Variants in WWOX observed in about 807,000 individuals in gnomAD.
The protein encoded by WWOX is WW domain containing oxidoreductase.
Under a neutral mutation model 46.2 loss-of-function variants are expected in WWOX, and 69 were observed. The ratio of observed to expected loss-of-function variants is 1.49; its 90% CI spans 1.23 to 1.82. The LOEUF (loss-of-function observed/expected upper bound fraction) is 1.82. Ranked by LOEUF, WWOX falls within the 40% of genes most tolerant of loss-of-function variation. WWOX has a pLI of 0.00. For synonymous variants in WWOX, 359 were observed against 202.6 expected (o/e 1.77, Z -6.56); for missense variants, 919 against 542.6 (o/e 1.69, Z -6.89).
At position 78,604,716 on chromosome 16, in the gene WWOX, C is replaced by T. The variant is rs1190805642; in HGVS notation, c.1056+171964C>T. Among the ~76,000 whole-genome samples, 25 of 6,826 alleles carry T rather than the reference C, an allele frequency of 3.7e-3. 1 individual carries two copies. The highest frequency in any genetic ancestry group is 0.015 in the African/African-American group (24 of 1,588). The allele number at this position is 6,826 out of a possible 152,430, so 4.5% of individuals were successfully genotyped here. On this transcript the variant is annotated intron_variant, in intron 8 of 8. Coordinates refer to ENST00000566780, the MANE Select transcript of WWOX (RefSeq NM_016373.4). ...CCCTCCTTCCCCCCTCCCTCCTTCCCCCCTCCCTCCTTCCCCCCTCCCTCC... is the reference window on the plus strand; with the variant it reads ...CCCTCCTTCCCCCCTCCCTCCTTCCTCCCTCCCTCCTTCCCCCCTCCCTCC...
intron 8 of WWOX, among the ~76,000 whole-genome samples, chr16:78,914,180 T>C (rs34359022): frequency 0.2 from 30,573 of 151,960 alleles, 3,236 homozygotes; most frequent in South Asian, 0.26. Flanking sequence ...ATAACTCTAT[T>C]TTATTTCTCT....
intron 8 of WWOX, among the ~76,000 whole-genome samples, chr16:78,954,109 TC>T (rs1357386913): frequency 6.6e-6 from 1 of 152,228 alleles, no homozygotes; most frequent in African/African-American, 2.4e-5. Context: ...TTTTGCTTTT[TC>T]TTTTTTAAAT....
chr16:78,572,854 C>G (rs190265426), intron 8 of WWOX, among the ~76,000 whole-genome samples: 264 of 152,156 alleles, frequency 1.7e-3, no homozygotes, highest in African/African-American at 6.0e-3. Context: ...TTGGAAAGTT[C>G]TGTTTCTTAA....
chr16:78,137,413 C>T (rs1000639436), intron 4 of WWOX, among the ~76,000 whole-genome samples: 1 of 152,162 alleles, frequency 6.6e-6, no homozygotes, highest in Non-Finnish European at 1.5e-5. Flanking sequence ...ATGACGTCAG[C>T]ATCACAGAGT....
intron 5 of WWOX, chr16:78,266,130 A>T (rs2079356959): frequency 2.0e-5 from 3 of 152,182 alleles, no homozygotes; most frequent in South Asian, 2.1e-4. Context: ...TGAAGGTCAG[A>T]TGTGGCCTGT....
chr16:78,801,470 C>G (rs547009875), intron 8 of WWOX, among the ~76,000 whole-genome samples: 36 of 152,276 alleles, frequency 2.4e-4, no homozygotes, highest in Non-Finnish European at 4.4e-4. Flanking sequence ...TATCATGTCA[C>G]CGCACTCCAA....
chr16:78,441,842 A>T (rs1390716067), intron 8 of WWOX, among the ~76,000 whole-genome samples: 1 of 151,978 alleles, frequency 6.6e-6, no homozygotes, highest in Non-Finnish European at 1.5e-5. Flanking sequence ...AAAGATTATG[A>T]ATGTTCAGCA....
chr16:78,325,113 G>T (rs961872756), intron 5 of WWOX, among the ~76,000 whole-genome samples: 1 of 152,166 alleles, frequency 6.6e-6, no homozygotes, highest in African/African-American at 2.4e-5. Flanking sequence ...TGTTGGTCCC[G>T]TCACAGGGCT....
chr16:78,875,821 G>T (rs2044223150), intron 8 of WWOX, among the ~76,000 whole-genome samples: 1 of 152,190 alleles, frequency 6.6e-6, no homozygotes, highest in Non-Finnish European at 1.5e-5. Context: ...TGACTTACAG[G>T]TTTCTAGGGC....
intron 5 of WWOX, among the ~76,000 whole-genome samples, chr16:78,283,281 G>C (rs1044725812): frequency 6.6e-6 from 1 of 152,158 alleles, no homozygotes; most frequent in African/African-American, 2.4e-5. Context: ...ATTCTCTGCT[G>C]TGAGGGCCAG....
intron 1 of WWOX, 171 bp downstream of exon 1, chr16:78,100,056 C>G: frequency 5.0e-6 from 7 of 1,408,476 alleles, no homozygotes; most frequent in Non-Finnish European, 6.5e-6. Context: ...GGGGCCGGCC[C>G]CCTTGGTGGG....
chr16:78,661,775 G>C (rs899162345), intron 8 of WWOX, among the ~76,000 whole-genome samples: 1 of 152,196 alleles, frequency 6.6e-6, no homozygotes, highest in South Asian at 2.1e-4. Context: ...AATGGCTGAC[G>C]CCCGTAATCC....
intron 8 of WWOX, among the ~76,000 whole-genome samples, chr16:78,780,093 C>G (rs936968763): frequency 1.3e-5 from 2 of 152,160 alleles, no homozygotes; most frequent in African/African-American, 4.8e-5. Flanking sequence ...GGCCATGGTT[C>G]TCGTACTTCA....
chr16:78,659,553 C>G (rs1306453971), intron 8 of WWOX, among the ~76,000 whole-genome samples: 1 of 152,118 alleles, frequency 6.6e-6, no homozygotes, highest in African/African-American at 2.4e-5. Context: ...AAAAAAAAAC[C>G]TTTCGAGACA....
chr16:79,163,795 CAAAAAAAAAAA>C (rs66922536), intron 8 of WWOX, among the ~76,000 whole-genome samples: 2 of 102,276 alleles, frequency 2.0e-5, no homozygotes, highest in East Asian at 2.3e-4. Context: ...AACTCCACCT[CAAAAAAAAAAA>C]AAAAAAAAAA....
intron 8 of WWOX, among the ~76,000 whole-genome samples, chr16:78,590,019 C>T (rs532669424): frequency 5.3e-5 from 8 of 152,224 alleles, no homozygotes; most frequent in East Asian, 1.9e-4. Context: ...TTGCTTCTTA[C>T]GTGTCACGCA....
chr16:78,888,426 A>T (rs151168603), intron 8 of WWOX, among the ~76,000 whole-genome samples: 5 of 152,186 alleles, frequency 3.3e-5, no homozygotes, highest in South Asian at 2.1e-4. Context: ...TTCTTTTTGT[A>T]GTTGTCTAGG....
At chr16:78,917,842 A>G (rs112797272) in intron 8 of WWOX, among the ~76,000 whole-genome samples, 4 of 152,176 alleles carry the variant, frequency 2.6e-5, no homozygotes, top group Non-Finnish European at 5.9e-5. Context: ...CAAGGAATAC[A>G]TCTAGATCAG....
Position 78,845,921 on chromosome 16 carries a change from C to T in WWOX, c.1057-365687C>T, listed in dbSNP as rs11641952. On this transcript the variant is annotated intron_variant, in intron 8 of 8. Coordinates refer to ENST00000566780, the MANE Select transcript of WWOX (RefSeq NM_016373.4). ...CCCATTTAAGGTAGATGGGTTTATG[C>T]CTAATTGTGCCACCAGTTTTTCCCA... 5.0e-3 allele frequency among the ~76,000 whole-genome samples: 761 copies of T among 152,232 alleles called. 4 individuals are homozygous for T. Among genetic ancestry groups the T allele is most frequent in the Non-Finnish European group, 8.4e-3 (574 of 68,020 alleles).
Sources: gnomAD v4.1 joint callset for allele counts (sites outside exome capture counted in the v4.1 genomes callset) on GRCh38, gnomAD v4.1.1 for gene constraint, MANE v1.5 for transcripts, NCBI Gene and HGNC (gene_info 2026-07-23, HGNC 2026-07-21) for gene names.